Variants in KIF20B observed in about 807,000 individuals in gnomAD.
KIF20B encodes the protein kinesin-like protein KIF20B.
KIF20B carries 188 observed loss-of-function variants against 232.5 expected under a neutral mutation model. The observed-to-expected ratio is 0.81, with a 90% CI of 0.72 to 0.91. KIF20B has a LOEUF of 0.91. Among genes scored for constraint, KIF20B ranks in the 40% least tolerant of loss-of-function variants. The pLI is 0.00. For synonymous variants in KIF20B, 712 were observed against 683.0 expected, an observed-to-expected ratio of 1.04 and a Z score of -0.66; for missense variants, 2,154 against 2,055.9, an observed-to-expected ratio of 1.05 and a Z score of -0.92.
At chr10:89,734,297 G>C (rs2133121623) in intron 19 of KIF20B, among the ~76,000 whole-genome samples, 1 of 152,218 alleles carries the variant, frequency 6.6e-6, no homozygotes, top group Non-Finnish European at 1.5e-5. Context: ...TGTAATCCCA[G>C]CTACTTGGGA....
chr10:89,741,386 C>A lies in KIF20B; in HGVS notation c.3915+2290C>A, dbSNP rs1841790708. Among the ~76,000 whole-genome samples the A allele has an allele frequency of 5.3e-5, 8 of 152,268 alleles. No homozygotes were observed. In the South Asian group the frequency reaches 1.7e-3, roughly 32 times the overall value. ...GCCCAGTTCCTAACAAGCTATGGAT[C>A]AGTATTTGTCTGTGGCCAGGTGGTT... On this transcript the variant is annotated intron_variant, in intron 21 of 32. Transcript: ENST00000371728.
intron 24 of KIF20B, among the ~76,000 whole-genome samples, chr10:89,751,862 C>CTATAT (rs1479131075): frequency 6.6e-6 from 1 of 151,754 alleles, no homozygotes; most frequent in East Asian, 1.9e-4. Context: ...CAGAGTTTTT[C>CTATAT]TAGAGTATAT....
At chr10:89,734,737 G>T (rs1028477129) in intron 19 of KIF20B, among the ~76,000 whole-genome samples, 1 of 152,190 alleles carries the variant, frequency 6.6e-6, no homozygotes. Context: ...AAGAGCCTGT[G>T]AGAGGCAGGC....
In KIF20B at chr10:89,716,526, T is replaced by C. The variant is rs1842937923; in HGVS notation, c.1031T>C (p.Leu344Ser). ...CACCAGAGTGTTGCCTTCACAAAAT[T>C]GAATAATGCTTCCAGTAGAAGGTAA... is the stretch of plus-strand genomic sequence containing the variant. ...IKHQSVAFTKLNNASSRSHSI... is the reference protein window; with the variant it reads ...IKHQSVAFTKSNNASSRSHSI... Residue 344 changes from leucine (L) to serine (S), a missense_variant, in exon 9 of 33, where the codon TTG (leucine) becomes TCG (serine). Coordinates refer to ENST00000371728, the MANE Select transcript of KIF20B (RefSeq NM_001284259.2). 6.5e-7 allele frequency: 1 copy of C among 1,545,990 alleles called. No individual in the cohort carries two copies. Among genetic ancestry groups the C allele is most frequent in the Non-Finnish European group, 8.9e-7 (1 of 1,125,676 alleles).
In KIF20B at chr10:89,711,058, T is replaced by C. The variant is rs765780695; in HGVS notation, c.588T>C (p.His196=). The change falls in exon 6 of 33, where the codon CAT becomes CAC. Residue 196 remains histidine, a synonymous_variant. Transcript: ENST00000371728. ...RLYTKMNLKP[H]RSREYLRLSS... is the part of the protein sequence containing the mutation. ...ATACAAAGATGAACCTTAAACCACA[T>C]AGATCCAGAGAATACTTAAGGTTAT... is the stretch of plus-strand genomic sequence containing the variant. 24 of 1,608,522 alleles carry C rather than the reference T, an allele frequency of 1.5e-5. No homozygotes were observed. Among genetic ancestry groups the C allele is most frequent in the Non-Finnish European group, 2.0e-5 (24 of 1,176,770 alleles).
In KIF20B at chr10:89,745,499, G is replaced by A. The variant is rs112830495; in HGVS notation, c.4036-400G>A. Among the ~76,000 whole-genome samples, 702 of 152,166 alleles carry A rather than the reference G, an allele frequency of 4.6e-3. 6 individuals are homozygous for A. The highest frequency in any genetic ancestry group is 0.016 in the African/African-American group (646 of 41,526). On this transcript the variant is annotated intron_variant, in intron 22 of 32. Coordinates refer to ENST00000371728, the MANE Select transcript of KIF20B (RefSeq NM_001284259.2). The stretch of plus-strand genomic sequence containing the variant: ...GATTGCGCCACTGCGCTCCATCCTG[G>A]GTGGCAGAGGGAGACTCCATCTCAA...
chr10:89,754,787 G>A (rs1330558417), intron 26 of KIF20B, 114 bp downstream of exon 26: 7 of 690,508 alleles, frequency 1.0e-5, no homozygotes, highest in Non-Finnish European at 1.6e-5. Flanking sequence ...TTTAAAGGCA[G>A]GTTGTCATCT....
chr10:89,734,327 C>G (rs1841596419), intron 19 of KIF20B, among the ~76,000 whole-genome samples: 1 of 152,142 alleles, frequency 6.6e-6, no homozygotes, highest in African/African-American at 2.4e-5. Context: ...AGGAGAATTA[C>G]TTGAATCTGG....
rs377672497 is a variant in KIF20B at position 89,703,736 on chromosome 10, C to T, written c.-1-1558C>T. On this transcript the variant is annotated intron_variant, in intron 1 of 32. Transcript: ENST00000371728. ...TGGATGCTTCAGAATTTGACTTTGG[C>T]GCCCCAGCAGGCTTTTCCCTTTTTT... Among the ~76,000 whole-genome samples the T allele has an allele frequency of 8.7e-4, 128 of 147,470 alleles. 2 individuals carry two copies. The South Asian group carries it at 0.026, about 30-fold the overall frequency.
At chr10:89,754,803 A>G in intron 26 of KIF20B, 130 bp downstream of exon 26, 1 of 583,930 alleles carries the variant, frequency 1.7e-6, no homozygotes, top group Non-Finnish European at 2.8e-6. Context: ...CATCTTTATA[A>G]GATAACTTCT....
Position 89,743,927 on chromosome 10 carries a change from G to T in KIF20B, c.4035G>T (p.Lys1345Asn). The change falls in exon 22 of 33, where the codon AAG becomes AAT. Residue 1345 changes from lysine (K) to asparagine (N), a missense_variant and splice_region_variant. Transcript: ENST00000371728. ...DMKQRTIQQLKEQLNNQKVEE... is the reference protein window; with the variant it reads ...DMKQRTIQQLNEQLNNQKVEE... ...AACAGCGAACCATTCAGCAACTCAA[G>T]GTAAACAGTTTTGTTTTTAAAGATG... 1 of 1,578,818 alleles carries T rather than the reference G, an allele frequency of 6.3e-7. No individual in the cohort carries two copies. Among genetic ancestry groups the T allele is most frequent in the South Asian group, 1.2e-5 (1 of 82,440 alleles).
At chr10:89,716,235 G>C (rs942647059) in intron 8 of KIF20B, among the ~76,000 whole-genome samples, 3 of 152,036 alleles carry the variant, frequency 2.0e-5, no homozygotes, top group African/African-American at 7.3e-5. Flanking sequence ...TATTTTGTGT[G>C]TTTGTGTAAT....
rs760387684 is a variant in KIF20B, at chr10:89,737,808, A to G, written c.2967A>G (p.Ile989Met). Residue 989 changes from isoleucine to methionine, a missense_variant, in exon 20 of 33, where the codon ATA (isoleucine) becomes ATG (methionine). Coordinates refer to ENST00000371728, the MANE Select transcript of KIF20B (RefSeq NM_001284259.2). ...AAATAAAATTAATGCACACGAAAAT[A>G]GACGAACTACGTACTCTTGATTCAG... ...VSQIKLMHTK[I>M]DELRTLDSVS... is the part of the protein sequence containing the mutation. 4 of 1,613,308 alleles carry G rather than the reference A, an allele frequency of 2.5e-6. No individual in the cohort carries two copies. Among genetic ancestry groups the G allele is most frequent in the Admixed American group, 1.7e-5 (1 of 60,000 alleles).
chr10:89,737,293 T>C (rs898114938), intron 19 of KIF20B, 94 bp from the exon 20 acceptor site: 14 of 1,236,794 alleles, frequency 1.1e-5, no homozygotes, highest in Non-Finnish European at 1.5e-5. Context: ...AGTTTACTTT[T>C]ACATGTTTTG....
rs1254606678 is a variant in KIF20B at position 89,758,875 on chromosome 10, C to G, written c.4673C>G (p.Ser1558Cys). Residue 1558 changes from serine to cysteine, a missense_variant, in exon 27 of 33, where the codon TCT becomes TGT. By Grantham distance (112) the Ser-to-Cys change is moderately radical. Coordinates refer to ENST00000371728, the MANE Select transcript of KIF20B (RefSeq NM_001284259.2). ...CTAAAAAGGATCATATCAGAGACTT[C>G]TAAAATAGTCAGTAGTCTTTTTTGC... ...EQLKRIISET[S>C]KIETQIMDIK... 6.5e-7 allele frequency: 1 copy of G among 1,529,642 alleles called. No individual in the cohort carries two copies. The highest frequency in any genetic ancestry group is 8.8e-7 in the Non-Finnish European group (1 of 1,137,116). The allele number at this position is 1,529,642 out of a possible 1,614,324, so 94.8% of individuals were successfully genotyped here.
At chr10:89,761,718 C>G (rs1042379262) in intron 28 of KIF20B, among the ~76,000 whole-genome samples, 11 of 152,114 alleles carry the variant, frequency 7.2e-5, no homozygotes, top group African/African-American at 2.4e-4. Context: ...ACCTTGGGGA[C>G]TAATACAAAT....
rs144324961 is a variant in KIF20B, at chr10:89,766,832, A to G, written c.4990-1458A>G. On this transcript the variant is annotated intron_variant, in intron 29 of 32. Coordinates refer to ENST00000371728, the MANE Select transcript of KIF20B (RefSeq NM_001284259.2). Reference sequence around the variant, plus strand: ...TTTAGAGATTGTTTTATGGAGTCTTACTAGTTAACTTTTGTTTTATATTTA... The same window carrying G: ...TTTAGAGATTGTTTTATGGAGTCTTGCTAGTTAACTTTTGTTTTATATTTA... 2.5e-3 allele frequency among the ~76,000 whole-genome samples: 387 copies of G among 152,118 alleles called. 2 individuals carry two copies. Among genetic ancestry groups the G allele is most frequent in the African/African-American group, 8.0e-3 (333 of 41,536 alleles).
intron 19 of KIF20B, among the ~76,000 whole-genome samples, chr10:89,735,518 T>C (rs1345671646): frequency 2.0e-5 from 3 of 148,212 alleles, no homozygotes; most frequent in Non-Finnish European, 3.0e-5. Flanking sequence ...TAGATACCAA[T>C]GGAAAGTAGT....
intron 1 of KIF20B, among the ~76,000 whole-genome samples, chr10:89,704,614 T>A (rs1347876856): frequency 6.6e-6 from 1 of 152,114 alleles, no homozygotes; most frequent in Non-Finnish European, 1.5e-5. Context: ...TTGAGTGCAG[T>A]GGCGCGATCG....
Sources: allele counts gnomAD v4.1 joint callset (sites outside exome capture counted in the v4.1 genomes callset), GRCh38; gene constraint gnomAD v4.1.1; transcripts MANE v1.5; gene names NCBI Gene and HGNC (gene_info 2026-07-23, HGNC 2026-07-21).